The following DCC variants were observed in gnomAD, a reference collection of about 807,000 sequenced individuals.
DCC encodes netrin receptor DCC.
DCC carries 58 observed loss-of-function variants against 172.5 expected under a neutral mutation model. The ratio of observed to expected loss-of-function variants is 0.34; its 90% CI spans 0.27 to 0.42. The LOEUF is 0.42. Ranked by LOEUF, DCC falls within the 10% of genes least tolerant of loss-of-function variation. The probability of loss-of-function intolerance (pLI) is 1.00; values close to 1 mark genes in which losing one functional copy is unlikely to be tolerated. For missense variants in DCC, 1,740 were observed against 1,791.0 expected (o/e 0.97, Z 0.51); for synonymous variants, 709 against 644.5 (o/e 1.10, Z -1.52).
rs1370209652 is a variant in DCC at position 53,526,619 on chromosome 18, C to T, written c.4114C>T (p.Pro1372Ser). Residue 1372 changes from proline to serine, a missense_variant and splice_region_variant, in exon 28 of 29, where the codon CCC (proline) becomes TCC (serine). Pro to Ser is a moderately conservative substitution (Grantham distance 74, BLOSUM62 -1). Around this residue, in one of 2 missense-constraint regions of DCC, gnomAD observed 1,732 missense variants for 1,767.4 expected, o/e 0.98. Coordinates refer to ENST00000442544, the MANE Select transcript of DCC (RefSeq NM_005215.4). ...CATCACTGTGTTTTCTATTTCAGGG[C>T]CCACTCTTCCTAAGACCCATGTGAA... The part of the protein sequence containing the change: ...PYTPLLSQPG[P>S]TLPKTHVKTA... 3 of 1,613,322 alleles carry T rather than the reference C, an allele frequency of 1.9e-6. No homozygotes were observed. The highest frequency in any genetic ancestry group is 2.5e-6 in the Non-Finnish European group (3 of 1,179,520).
chr18:53,100,145 G>A (rs971038071), intron 7 of DCC, among the ~76,000 whole-genome samples: 2 of 151,452 alleles, frequency 1.3e-5, no homozygotes, highest in Non-Finnish European at 2.9e-5. Context: ...CAGGGGTTTT[G>A]CCATGTTGAG....
chr18:52,583,245 T>G (rs2144781105), intron 1 of DCC, among the ~76,000 whole-genome samples: 1 of 152,326 alleles, frequency 6.6e-6, no homozygotes, highest in Non-Finnish European at 1.5e-5. Flanking sequence ...TGTAAATATT[T>G]ATTGATCAAT....
intron 7 of DCC, among the ~76,000 whole-genome samples, chr18:53,139,307 G>A (rs916483022): frequency 6.6e-6 from 1 of 152,138 alleles, no homozygotes; most frequent in Non-Finnish European, 1.5e-5. Flanking sequence ...GCTTTCTTCT[G>A]GGATCAGAAA....
At chr18:52,675,785 A>AT (rs1165600220) in intron 1 of DCC, among the ~76,000 whole-genome samples, 1 of 152,196 alleles carries the variant, frequency 6.6e-6, no homozygotes, top group Non-Finnish European at 1.5e-5. Context: ...ATAGAAAAAG[A>AT]TTTCTGTTTA....
At chr18:53,157,314 T>C (rs901985039) in intron 7 of DCC, 42 bp from the exon 8 acceptor site, 4 of 1,613,212 alleles carry the variant, frequency 2.5e-6, no homozygotes, top group African/African-American at 1.3e-5. Flanking sequence ...TTCTTACCTA[T>C]GGCAGCGACA....
chr18:52,844,441 G>A (rs1341924788), intron 2 of DCC, among the ~76,000 whole-genome samples: 4 of 152,138 alleles, frequency 2.6e-5, no homozygotes, highest in Admixed American at 2.6e-4. Flanking sequence ...ATTAATACAT[G>A]ATCCTCTTGT....
intron 2 of DCC, among the ~76,000 whole-genome samples, chr18:52,846,667 CTT>C (rs2038898465): frequency 6.9e-6 from 1 of 145,456 alleles, no homozygotes; most frequent in Admixed American, 6.9e-5. Context: ...GGATACTTGT[CTT>C]GGTGTCTCTC....
intron 5 of DCC, among the ~76,000 whole-genome samples, chr18:53,039,702 TC>T (rs2042143267): frequency 6.6e-6 from 1 of 151,928 alleles, no homozygotes; most frequent in South Asian, 2.1e-4. Flanking sequence ...AGGTTATTGG[TC>T]ATTATGTCAC....
chr18:52,871,636 G>C (rs1339534523), intron 2 of DCC, among the ~76,000 whole-genome samples: 1 of 152,024 alleles, frequency 6.6e-6, no homozygotes, highest in Non-Finnish European at 1.5e-5. Flanking sequence ...TAAATTTTTT[G>C]TAGAAACAGG....
At chr18:53,142,415 C>T (rs12456646) in intron 7 of DCC, among the ~76,000 whole-genome samples, 47,025 of 151,992 alleles carry the variant, frequency 0.31, 9,086 homozygotes, top group East Asian at 0.58. Context: ...TTAACACTGT[C>T]GTTGTTCCTT....
rs369735420 is a variant in DCC, at chr18:52,765,199, A to ATTTTTTTTTTTTTTTTTTTTTTTT, written c.412+12825_412+12826insTTTTTTTTTTTTTTTTTTTTTTTT. ...CAGGCATGTGCTAGCACTCCTGGCT[A>ATTTTTTTTTTTTTTTTTTTTTTTT]ATTTTTTTTTTTTTTTTTTGTATTT... On this transcript the variant is annotated intron_variant, in intron 2 of 28. Coordinates refer to ENST00000442544, the MANE Select transcript of DCC (RefSeq NM_005215.4). 2.5e-5 allele frequency among the ~76,000 whole-genome samples: 3 copies of ATTTTTTTTTTTTTTTTTTTTTTTT among 120,116 alleles called. 1 individual carries two copies. The highest frequency in any genetic ancestry group is 1.7e-5 in the Non-Finnish European group (1 of 59,912). 78.8% of individuals were successfully genotyped at this position (120,116 alleles called of 152,430 possible). A position where few individuals can be genotyped will look rare whatever the true frequency, so the allele number is the denominator to read the frequency against.
At chr18:52,903,615 T>A (rs116628890) in intron 2 of DCC, among the ~76,000 whole-genome samples, 436 of 152,372 alleles carry the variant, frequency 2.9e-3, no homozygotes, top group African/African-American at 9.6e-3. Flanking sequence ...TATTCTCACC[T>A]ACATATATTA....
At chr18:52,537,690 A>G (rs547938129) in intron 1 of DCC, among the ~76,000 whole-genome samples, 5 of 152,348 alleles carry the variant, frequency 3.3e-5, no homozygotes, top group Admixed American at 2.6e-4. Flanking sequence ...AATAACACAA[A>G]GAGAACAAAG....
intron 1 of DCC, among the ~76,000 whole-genome samples, chr18:52,605,972 T>C (rs1182025413): frequency 6.6e-6 from 1 of 152,104 alleles, no homozygotes; most frequent in East Asian, 1.9e-4. Flanking sequence ...TCAGATCACT[T>C]ATATTTGCAT....
In DCC at chr18:52,416,436, T is replaced by C. The variant is rs150171879; in HGVS notation, c.91+75558T>C. On this transcript the variant is annotated intron_variant, in intron 1 of 28. Transcript: ENST00000442544. ...CAATTCCTGGGTGTTCTTGTTAACT[T>C]TCTGTCTCGTTGATCTGTCTAATGT... 5.0e-3 allele frequency among the ~76,000 whole-genome samples: 764 copies of C among 152,232 alleles called. 7 individuals carry two copies. Among genetic ancestry groups the C allele is most frequent in the African/African-American group, 0.018 (733 of 41,540 alleles).
chr18:53,286,863 TTAAA>T (rs1439560921), intron 12 of DCC, among the ~76,000 whole-genome samples: 2 of 152,210 alleles, frequency 1.3e-5, no homozygotes, highest in Non-Finnish European at 2.9e-5. Context: ...TAGAATTTCC[TTAAA>T]TAAAGTGTCT....
At chr18:52,750,538 G>T (rs1291487759) in intron 1 of DCC, among the ~76,000 whole-genome samples, 1 of 152,148 alleles carries the variant, frequency 6.6e-6, no homozygotes, top group Non-Finnish European at 1.5e-5. Flanking sequence ...GAGTGGCCAA[G>T]GTGAAAGGAA....
intron 1 of DCC, among the ~76,000 whole-genome samples, chr18:52,699,176 T>C (rs2036063560): frequency 6.6e-6 from 1 of 152,140 alleles, no homozygotes. Context: ...AAGTAACAGT[T>C]CCAAAGCTTG....
intron 1 of DCC, among the ~76,000 whole-genome samples, chr18:52,644,092 C>T (rs1301534807): frequency 6.6e-6 from 1 of 152,040 alleles, no homozygotes; most frequent in African/African-American, 2.4e-5. Context: ...GTGTGTTTCC[C>T]AGGAAGCCAT....
Sources: gnomAD v4.1 joint callset for allele counts (sites outside exome capture counted in the v4.1 genomes callset) on GRCh38, gnomAD v4.1.1 for gene constraint, gnomAD v4.1.1 regional missense constraint, MANE v1.5 for transcripts, NCBI Gene and HGNC (gene_info 2026-07-23, HGNC 2026-07-21) for gene names.